The following MACROD2 variants were observed in gnomAD, a reference collection of about 807,000 sequenced individuals.
The protein encoded by MACROD2 is mono-ADP ribosylhydrolase 2, also known as ADP-ribose glycohydrolase MACROD2.
Under a neutral mutation model 70.4 loss-of-function variants are expected in MACROD2, and 36 were observed. The observed-to-expected ratio is 0.51, with a 90% CI of 0.39 to 0.68. The LOEUF (loss-of-function observed/expected upper bound fraction) is 0.68. MACROD2 is among the 30% of genes least tolerant of loss of function. MACROD2 has a pLI of 0.00. For missense variants in MACROD2, 496 were observed against 538.4 expected (o/e 0.92, Z 0.78); for synonymous variants, 172 against 178.8 (o/e 0.96, Z 0.30).
At chr20:14,916,960 C>T (rs749639709) in intron 5 of MACROD2, among the ~76,000 whole-genome samples, 3 of 151,922 alleles carry the variant, frequency 2.0e-5, no homozygotes, top group Middle Eastern at 3.4e-3. Flanking sequence ...GAAAAATAGG[C>T]ACCTTGATTG....
rs139861837 is a variant in MACROD2 at position 15,280,240 on chromosome 20, G to A, written c.540+50179G>A. 4.5e-3 allele frequency among the ~76,000 whole-genome samples: 684 copies of A among 152,194 alleles called. 7 individuals carry two copies. The highest frequency in any genetic ancestry group is 0.016 in the African/African-American group (649 of 41,510). ...GTAAGAATATTTGTTTCAGCACTGC[G>A]TGGTACAGCAAACATAAAACAGAGC... On this transcript the variant is annotated intron_variant, in intron 6 of 17. Transcript: ENST00000684519.
At chr20:14,935,288 C>G (rs1467310534) in intron 5 of MACROD2, 1 of 152,066 alleles carries the variant, frequency 6.6e-6, no homozygotes, top group African/African-American at 2.4e-5. Context: ...TTGCTCAAGC[C>G]TGTTAAGGTC....
chr20:15,012,536 C>G (rs565058436), intron 5 of MACROD2, among the ~76,000 whole-genome samples: 2 of 152,142 alleles, frequency 1.3e-5, no homozygotes, highest in African/African-American at 2.4e-5. Flanking sequence ...TTATAGCATT[C>G]GGAGCCAATG....
intron 5 of MACROD2, among the ~76,000 whole-genome samples, chr20:14,807,539 A>C (rs935479891): frequency 6.6e-6 from 1 of 152,126 alleles, no homozygotes; most frequent in Non-Finnish European, 1.5e-5. Flanking sequence ...CTTCTCCTCC[A>C]AAGGATCAGA....
chr20:14,358,809 C>T (rs1304210021), intron 3 of MACROD2, among the ~76,000 whole-genome samples: 1 of 152,204 alleles, frequency 6.6e-6, no homozygotes, highest in Non-Finnish European at 1.5e-5. Flanking sequence ...CCCAAGGTCA[C>T]ACAGAGTTGC....
At chr20:15,529,508 A>G (rs2047767603) in intron 8 of MACROD2, among the ~76,000 whole-genome samples, 1 of 152,170 alleles carries the variant, frequency 6.6e-6, no homozygotes, top group Admixed American at 6.5e-5. Flanking sequence ...ATCTTCCTTT[A>G]GAAGGGTAGG....
At chr20:15,664,811 C>T (rs895443898) in intron 8 of MACROD2, among the ~76,000 whole-genome samples, 1 of 152,144 alleles carries the variant, frequency 6.6e-6, no homozygotes, top group Non-Finnish European at 1.5e-5. Context: ...GTGGGTTCAG[C>T]TAACCTCAGG....
intron 3 of MACROD2, among the ~76,000 whole-genome samples, chr20:14,434,169 A>C (rs951897949): frequency 6.6e-6 from 1 of 152,176 alleles, no homozygotes; most frequent in Non-Finnish European, 1.5e-5. Context: ...TTCTAATTTA[A>C]ATTCTCAAAT....
chr20:14,420,777 C>G (rs111513525), intron 3 of MACROD2, among the ~76,000 whole-genome samples: 3 of 152,114 alleles, frequency 2.0e-5, no homozygotes, highest in African/African-American at 4.8e-5. Context: ...ACTGAAGCCT[C>G]AACTCCTAGG....
chr20:15,446,613 G>A (rs949722035), intron 7 of MACROD2, among the ~76,000 whole-genome samples: 6 of 152,124 alleles, frequency 3.9e-5, no homozygotes, highest in South Asian at 2.1e-4. Context: ...CCAAACTTGC[G>A]AACGCCAGCC....
chr20:15,811,585 A>G (rs908146280), intron 8 of MACROD2, among the ~76,000 whole-genome samples: 3 of 152,028 alleles, frequency 2.0e-5, no homozygotes, highest in African/African-American at 7.2e-5. Flanking sequence ...TTTGTTGTCT[A>G]TCCCTTTTCA....
At chr20:15,314,423 TTTACTTAAAATAAAATAATTG>T (rs2146155595) in intron 6 of MACROD2, among the ~76,000 whole-genome samples, 1 of 152,334 alleles carries the variant, frequency 6.6e-6, no homozygotes, top group South Asian at 2.1e-4. Context: ...AGACACCATC[TTTACTTAAAATAAAATAATTG>T]TTAAAAAATG....
chr20:15,925,219 G>A (rs978692649), intron 10 of MACROD2, among the ~76,000 whole-genome samples: 3 of 152,174 alleles, frequency 2.0e-5, no homozygotes, highest in Admixed American at 2.0e-4. Flanking sequence ...GTCATTGGAA[G>A]ACTTTGGGAA....
At chr20:15,369,247 TA>T (rs2045457047) in intron 6 of MACROD2, among the ~76,000 whole-genome samples, 1 of 152,182 alleles carries the variant, frequency 6.6e-6, no homozygotes, top group South Asian at 2.1e-4. Context: ...ATGCAAATAA[TA>T]AAATGGAAAA....
intron 8 of MACROD2, among the ~76,000 whole-genome samples, chr20:15,852,670 C>T (rs570395709): frequency 6.6e-6 from 1 of 152,300 alleles, no homozygotes; most frequent in South Asian, 2.1e-4. Flanking sequence ...AATCTTTATC[C>T]GTTACACCAT....
chr20:15,979,498 A>G (rs2066363517), intron 13 of MACROD2, among the ~76,000 whole-genome samples: 1 of 152,106 alleles, frequency 6.6e-6, no homozygotes, highest in Non-Finnish European at 1.5e-5. Context: ...CTCTTTTAGG[A>G]CGAAGTAGAG....
intron 2 of MACROD2, among the ~76,000 whole-genome samples, chr20:14,080,569 G>A (rs2053978632): frequency 6.6e-6 from 1 of 151,436 alleles, no homozygotes; most frequent in Non-Finnish European, 1.5e-5. Flanking sequence ...CAAATCTAAT[G>A]AGACCAGACT....
intron 6 of MACROD2, among the ~76,000 whole-genome samples, chr20:15,254,795 A>C (rs2077184353): frequency 6.6e-6 from 1 of 152,162 alleles, no homozygotes; most frequent in Admixed American, 6.6e-5. Flanking sequence ...TTCCTTGGTC[A>C]TAATCCTAGA....
chr20:14,562,386 A>G lies in MACROD2; in HGVS notation c.301+68878A>G, dbSNP rs1979493685. Among the ~76,000 whole-genome samples the G allele has an allele frequency of 2.0e-5, 3 of 151,938 alleles. No homozygotes were observed. In the South Asian group the frequency reaches 6.2e-4, roughly 31 times the overall value. On this transcript the variant is annotated intron_variant, in intron 4 of 17. Coordinates refer to ENST00000684519, the MANE Select transcript of MACROD2 (RefSeq NM_001351661.2). ...GTAGCTTGCTTCTTCTTTTGAATTCAACATTATCTTAAGTTGGTATATTTA... is the reference window on the plus strand; with the variant it reads ...GTAGCTTGCTTCTTCTTTTGAATTCGACATTATCTTAAGTTGGTATATTTA...
Sources: allele counts gnomAD v4.1 joint callset (sites outside exome capture counted in the v4.1 genomes callset), GRCh38; gene constraint gnomAD v4.1.1; transcripts MANE v1.5; gene names NCBI Gene and HGNC (gene_info 2026-07-23, HGNC 2026-07-21).